The following PHLDB1 variants were observed in gnomAD, a reference collection of about 807,000 sequenced individuals.
PHLDB1 encodes the protein pleckstrin homology-like domain family B member 1.
PHLDB1 carries 65 observed loss-of-function variants against 139.3 expected under a neutral mutation model. The observed-to-expected ratio is 0.47, with a 90% CI of 0.38 to 0.57. The LOEUF is 0.57. Ranked by LOEUF, PHLDB1 falls within the 20% of genes least tolerant of loss-of-function variation. The pLI, the probability that PHLDB1 is intolerant of heterozygous loss-of-function variation, is 0.00. For synonymous variants in PHLDB1, 679 were observed against 734.5 expected, an observed-to-expected ratio of 0.92 and a Z score of 1.22; for missense variants, 1,624 against 1,839.7, an observed-to-expected ratio of 0.88 and a Z score of 2.14.
Position 118,620,908 on chromosome 11 carries a change from C to G in PHLDB1, c.356-4026C>G, listed in dbSNP as rs782216355. ...GTGACCTAGCTGGATCCTGTAGAGC[C>G]CCTGCTCTTTTCCTCTCCCTCTCTC... On this transcript the variant is annotated intron_variant, in intron 4 of 22. Transcript: ENST00000600882. This position sits in a 1 kb window ranked among gnomAD's most constrained non-coding sequence, Gnocchi z 4.1. 5.3e-5 allele frequency among the ~76,000 whole-genome samples: 8 copies of G among 152,144 alleles called. No individual in the cohort carries two copies. Among genetic ancestry groups the G allele is most frequent in the Non-Finnish European group, 1.0e-4 (7 of 68,026 alleles).
intron 9 of PHLDB1, 93 bp from the exon 10 acceptor site, chr11:118,635,288 TCCCCGGGTCCAG>T: frequency 7.5e-7 from 1 of 1,341,160 alleles, no homozygotes; most frequent in South Asian, 1.5e-5. Flanking sequence ...TTACCCAATT[TCCCCGGGTCCAG>T]CCCCATACAA....
intron 10 of PHLDB1, among the ~76,000 whole-genome samples, chr11:118,638,675 A>T (rs1946031724): frequency 6.6e-6 from 1 of 152,098 alleles, no homozygotes; most frequent in Admixed American, 6.5e-5. Flanking sequence ...GGTGTGCCTA[A>T]TGGCACAGGG....
chr11:118,643,846 G>T lies in PHLDB1; in HGVS notation c.2924G>T (p.Arg975Leu). Residue 975 changes from arginine to leucine, a missense_variant, in exon 14 of 23, where the codon CGG becomes CTG. Physicochemically the swap from Arg to Leu is moderately radical, Grantham distance 102. Coordinates refer to ENST00000600882, the MANE Select transcript of PHLDB1 (RefSeq NM_001144758.3). ...MDGEATSPLP[R>L]TRSGPLPSSS... ...GGCGAGGCCACCAGCCCCCTTCCCC[G>T]GACCCGCAGCGGCCCCCTCCCCTCC... The T allele has an allele frequency of 6.3e-7, 1 of 1,582,314 alleles. No individual in the cohort carries two copies. The highest frequency in any genetic ancestry group is 8.6e-7 in the Non-Finnish European group (1 of 1,161,826).
At chr11:118,640,492 T>A (rs1188512759) in intron 12 of PHLDB1, 1 of 152,250 alleles carries the variant, frequency 6.6e-6, no homozygotes, top group African/African-American at 2.4e-5. Flanking sequence ...TGTGTTGGCA[T>A]CTTTCCAAGG....
intron 6 of PHLDB1, among the ~76,000 whole-genome samples, 183 bp downstream of exon 6, chr11:118,628,833 C>G (rs1253842021): frequency 3.9e-5 from 6 of 152,246 alleles, no homozygotes; most frequent in Admixed American, 3.3e-4. Flanking sequence ...AGAAGAAATT[C>G]CTTTGAAATC....
chr11:118,639,567 A>G (rs1415692831), intron 12 of PHLDB1: 3 of 457,124 alleles, frequency 6.6e-6, no homozygotes, highest in Non-Finnish European at 1.2e-5. Context: ...GCCGGGCTGG[A>G]TGGACTCACC....
chr11:118,636,784 C>G (rs920488994), intron 10 of PHLDB1: 1 of 152,184 alleles, frequency 6.6e-6, no homozygotes, highest in Non-Finnish European at 1.5e-5. Flanking sequence ...GCCTCTTCCT[C>G]TTTCTTTCTG....
Position 118,631,202 on chromosome 11 carries a change from C to G in PHLDB1, c.1828-5C>G. 1 of 1,424,338 alleles carries G rather than the reference C, an allele frequency of 7.0e-7. No individual in the cohort carries two copies. The highest frequency in any genetic ancestry group is 9.2e-7 in the Non-Finnish European group (1 of 1,084,836). 88.2% of individuals were successfully genotyped at this position (1,424,338 alleles called of 1,614,324 possible). On this transcript the variant is annotated splice_polypyrimidine_tract_variant and splice_region_variant and intron_variant, in intron 6 of 22. Transcript: ENST00000600882. ...TTCATGTCCTGCTCTGTCCATCCTC[C>G]CCAGGAACGCCAGCGCCTGGAGACC...
chr11:118,631,159 G>T, intron 6 of PHLDB1, 48 bp from the exon 7 acceptor site: 2 of 1,371,982 alleles, frequency 1.5e-6, no homozygotes, highest in South Asian at 2.1e-5. Context: ...ATCCCCACCA[G>T]GGCTCAGCTT....
intron 1 of PHLDB1, 76 bp from the exon 2 acceptor site, chr11:118,613,740 A>AC: frequency 1.2e-6 from 1 of 852,920 alleles, no homozygotes; most frequent in Middle Eastern, 3.0e-4. Flanking sequence ...TGCCCTGAGA[A>AC]CCCTGCCACA....
At position 118,638,882 on chromosome 11, in the gene PHLDB1, C is replaced by T. The variant is rs1555117520; in HGVS notation, c.2536-9C>T. On this transcript the variant is annotated splice_polypyrimidine_tract_variant and intron_variant, in intron 10 of 22. Coordinates refer to ENST00000600882, the MANE Select transcript of PHLDB1 (RefSeq NM_001144758.3). ...CCCAGGGCCTGATCAACCACCCCAT[C>T]TCCTTTAGGAGCGCCTGGCCATCCT... 6.3e-7 allele frequency: 1 copy of T among 1,598,712 alleles called. No homozygotes were observed. Among genetic ancestry groups the T allele is most frequent in the Admixed American group, 1.7e-5 (1 of 58,460 alleles).
intron 4 of PHLDB1, among the ~76,000 whole-genome samples, chr11:118,617,474 C>CT (rs576791598): frequency 4.6e-5 from 7 of 151,118 alleles, no homozygotes; most frequent in East Asian, 3.9e-4. Flanking sequence ...TTTCCCCCGT[C>CT]TTTTTTTTTG....
chr11:118,625,038 C>G lies in PHLDB1; in HGVS notation c.460C>G (p.Pro154Ala). The change falls in exon 5 of 23, where the codon CCC (proline) becomes GCC (alanine). Residue 154 changes from proline (P) to alanine (A), a missense_variant. By Grantham distance (27) the Pro-to-Ala change is conservative (BLOSUM62 -1). Transcript: ENST00000600882. ...MIPAGGRAPG[P>A]PYSPVPAESE... is the part of the protein sequence containing the mutation. ...TCCAGCAGGGGGCCGAGCCCCTGGG[C>G]CCCCCTACAGCCCTGTTCCTGGTAG... 1 of 1,610,720 alleles carries G rather than the reference C, an allele frequency of 6.2e-7. No homozygotes were observed. Among genetic ancestry groups the G allele is most frequent in the Admixed American group, 1.7e-5 (1 of 59,792 alleles).
chr11:118,643,075 T>A (rs1444399752), intron 13 of PHLDB1, among the ~76,000 whole-genome samples: 1 of 152,252 alleles, frequency 6.6e-6, no homozygotes, highest in Non-Finnish European at 1.5e-5. Flanking sequence ...TGTAAGACTG[T>A]GACCTCAGCT....
At position 118,650,319 on chromosome 11, in the gene PHLDB1, A is replaced by T. The variant is rs1318907955; in HGVS notation, c.3771+126A>T. On this transcript the variant is annotated intron_variant, in intron 19 of 22. Coordinates refer to ENST00000600882, the MANE Select transcript of PHLDB1 (RefSeq NM_001144758.3). This position sits in a 1 kb window ranked among gnomAD's most constrained non-coding sequence, Gnocchi z 4.7. ...CACCTAACCAGATCTCTGTCCCAGG[A>T]CCTGGTGTGCTGGCCTGAGGAGATG... is the stretch of plus-strand genomic sequence containing the variant. 2 of 992,874 alleles carry T rather than the reference A, an allele frequency of 2.0e-6. No individual in the cohort carries two copies. The highest frequency in any genetic ancestry group is 3.2e-5 in the African/African-American group (2 of 63,042). The allele number at this position is 992,874 out of a possible 1,614,324, so 61.5% of individuals were successfully genotyped here.
chr11:118,617,811 G>A lies in PHLDB1; in HGVS notation c.355+1600G>A, dbSNP rs1555091057. On this transcript the variant is annotated intron_variant, in intron 4 of 22. Transcript: ENST00000600882. The stretch of plus-strand genomic sequence containing the variant: ...CCCCCAAAAATTGGGGCTTGGCTAT[G>A]ATGGCAGTGGGTTCCTAACAGTCCT... 2.0e-5 allele frequency among the ~76,000 whole-genome samples: 3 copies of A among 152,198 alleles called. No individual in the cohort carries two copies. In the South Asian group the frequency reaches 6.2e-4, roughly 32 times the overall value.
rs1555126383 is a variant in PHLDB1 at position 118,645,448 on chromosome 11, G to A, written c.3214G>A (p.Gly1072Arg). The A allele has an allele frequency of 1.7e-5, 27 of 1,595,526 alleles. No homozygotes were observed. The highest frequency in any genetic ancestry group is 2.2e-5 in the East Asian group (1 of 44,706). Residue 1072 changes from glycine (G) to arginine (R), a missense_variant, in exon 16 of 23, where the codon GGG becomes AGG. By Grantham distance (125) the Gly-to-Arg change is moderately radical. Coordinates refer to ENST00000600882, the MANE Select transcript of PHLDB1 (RefSeq NM_001144758.3). The surrounding 1 kb of genome is among the most constrained non-coding windows in gnomAD (Gnocchi z 5.1). ...EAQCQWDALH[G>R]AAPFPAGPSG... ...ACAGTGCCAGTGGGATGCCCTTCAC[G>A]GGGCAGCACCCTTCCCAGCGGGCCC...
At chr11:118,648,197 G>A (rs1191032481) in intron 18 of PHLDB1, 121 bp downstream of exon 18, 2 of 1,026,952 alleles carry the variant, frequency 1.9e-6, no homozygotes, top group African/African-American at 1.6e-5. Context: ...AAAGATTGCT[G>A]TTGGCTTAAT....
chr11:118,649,185 G>A (rs1475886740), intron 18 of PHLDB1, among the ~76,000 whole-genome samples: 2 of 152,038 alleles, frequency 1.3e-5, no homozygotes, highest in Non-Finnish European at 2.9e-5. Flanking sequence ...GATGGCTGAG[G>A]CATGAGAATC....
Sources: allele counts gnomAD v4.1 joint callset (sites outside exome capture counted in the v4.1 genomes callset), GRCh38; gene constraint gnomAD v4.1.1; non-coding constraint Gnocchi (gnomAD v3.1); transcripts MANE v1.5; gene names NCBI Gene and HGNC (gene_info 2026-07-23, HGNC 2026-07-21).